The following ASTN2 variants were observed in gnomAD, a reference collection of about 807,000 sequenced individuals.
ASTN2 encodes the protein astrotactin 2, also known as astrotactin-2.
Under a neutral mutation model 139.8 loss-of-function variants are expected in ASTN2, and 54 were observed. The observed-to-expected ratio is 0.39, with a 90% CI of 0.31 to 0.48. The LOEUF is 0.48. Ranked by LOEUF, ASTN2 falls within the 20% of genes least tolerant of loss-of-function variation. The pLI is 0.95. For missense variants in ASTN2, 1,565 were observed against 1,725.1 expected, an observed-to-expected ratio of 0.91 and a Z score of 1.64; for synonymous variants, 756 against 719.5, an observed-to-expected ratio of 1.05 and a Z score of -0.81.
At chr9:116,884,803 G>GCCCCCCCCCCC (rs759933298) in intron 10 of ASTN2, among the ~76,000 whole-genome samples, 28 of 69,632 alleles carry the variant, frequency 4.0e-4, no homozygotes, top group African/African-American at 9.4e-4. Context: ...CCAAATATCC[G>GCCCCCCCCCCC]CCCCCCCCCC....
chr9:116,677,838 T>C (rs1004822855), intron 16 of ASTN2, among the ~76,000 whole-genome samples: 1 of 152,216 alleles, frequency 6.6e-6, no homozygotes, highest in South Asian at 2.1e-4. Flanking sequence ...AAAGGCATGC[T>C]TTCCTGGCCC....
intron 5 of ASTN2, among the ~76,000 whole-genome samples, chr9:117,058,721 C>T (rs896664835): frequency 5.3e-5 from 8 of 152,154 alleles, no homozygotes; most frequent in Non-Finnish European, 7.3e-5. Flanking sequence ...CAGAAACAGA[C>T]ATGGACGCCA....
intron 17 of ASTN2, 129 bp from the exon 18 acceptor site, chr9:116,620,572 C>A (rs1856089147): frequency 1.9e-5 from 23 of 1,180,126 alleles, no homozygotes; most frequent in Non-Finnish European, 2.7e-5. Context: ...AAGACACCAT[C>A]TATTCCCTAA....
At chr9:116,593,861 C>T (rs1854466511) in intron 19 of ASTN2, among the ~76,000 whole-genome samples, 1 of 152,184 alleles carries the variant, frequency 6.6e-6, no homozygotes, top group Non-Finnish European at 1.5e-5. Context: ...TCCCTTCCAT[C>T]CTTCCAGGTT....
intron 16 of ASTN2, among the ~76,000 whole-genome samples, chr9:116,655,556 G>A (rs1421998684): frequency 1.3e-5 from 2 of 152,066 alleles, no homozygotes; most frequent in Admixed American, 1.3e-4. Context: ...TCTTCTCTCT[G>A]CACAGAATTC....
intron 19 of ASTN2, among the ~76,000 whole-genome samples, chr9:116,507,680 T>C (rs907862142): frequency 6.6e-6 from 1 of 152,122 alleles, no homozygotes; most frequent in Non-Finnish European, 1.5e-5. Flanking sequence ...CTCTTATTGT[T>C]CTTGGCACCT....
chr9:116,667,511 C>G (rs1458278162), intron 16 of ASTN2, among the ~76,000 whole-genome samples: 2 of 152,068 alleles, frequency 1.3e-5, no homozygotes, highest in East Asian at 3.9e-4. Context: ...ATATTGACAA[C>G]AATTATTGCT....
At chr9:117,056,651 G>A (rs1029235333) in intron 5 of ASTN2, among the ~76,000 whole-genome samples, 1 of 152,206 alleles carries the variant, frequency 6.6e-6, no homozygotes, top group African/African-American at 2.4e-5. Flanking sequence ...GAGGCAGCAG[G>A]CAAGCTGATT....
chr9:116,753,511 CA>C (rs1829454149), intron 13 of ASTN2, among the ~76,000 whole-genome samples: 1 of 152,106 alleles, frequency 6.6e-6, no homozygotes, highest in Non-Finnish European at 1.5e-5. Context: ...GGGACGTTAG[CA>C]ACTAATATTC....
intron 20 of ASTN2, among the ~76,000 whole-genome samples, chr9:116,470,584 A>G (rs1213984098): frequency 6.6e-6 from 1 of 152,198 alleles, no homozygotes; most frequent in Admixed American, 6.5e-5. Context: ...ATTATTTAGA[A>G]TGGTGCCTGG....
chr9:116,808,612 A>G (rs1450666187), intron 12 of ASTN2, among the ~76,000 whole-genome samples: 2 of 152,208 alleles, frequency 1.3e-5, no homozygotes, highest in South Asian at 4.1e-4. Context: ...TGTTATTACA[A>G]ACAATGCCAT....
chr9:117,309,994 C>G (rs28576269), intron 1 of ASTN2, among the ~76,000 whole-genome samples: 1 of 152,136 alleles, frequency 6.6e-6, no homozygotes, highest in African/African-American at 2.4e-5. Flanking sequence ...GTCTTTGACA[C>G]TTTTCCTTTC....
intron 4 of ASTN2, among the ~76,000 whole-genome samples, chr9:117,138,775 T>C (rs933620994): frequency 6.6e-6 from 1 of 152,212 alleles, no homozygotes; most frequent in Non-Finnish European, 1.5e-5. Context: ...CCATCTAACT[T>C]GTAAATTAAC....
intron 5 of ASTN2, among the ~76,000 whole-genome samples, chr9:117,044,118 T>C (rs1339727912): frequency 6.6e-6 from 1 of 152,084 alleles, no homozygotes; most frequent in Non-Finnish European, 1.5e-5. Flanking sequence ...TGGTAAATAA[T>C]TTCCAAAAGA....
intron 16 of ASTN2, among the ~76,000 whole-genome samples, chr9:116,688,211 C>T (rs1004216586): frequency 6.6e-6 from 1 of 151,746 alleles, no homozygotes; most frequent in Non-Finnish European, 1.5e-5. Flanking sequence ...GAGGAATTGA[C>T]GAGGGTTGCA....
At chr9:117,285,634 C>A (rs957817795) in intron 2 of ASTN2, among the ~76,000 whole-genome samples, 12 of 152,164 alleles carry the variant, frequency 7.9e-5, no homozygotes, top group Admixed American at 5.9e-4. Flanking sequence ...CTACAATAGT[C>A]ATCTAATTTA....
chr9:116,840,104 T>C (rs1832162988), intron 11 of ASTN2, among the ~76,000 whole-genome samples: 1 of 148,410 alleles, frequency 6.7e-6, no homozygotes, highest in African/African-American at 2.5e-5. Context: ...CCTTCAAGCA[T>C]CTGTTTAACA....
At chr9:116,813,505 C>T (rs1176712484) in intron 12 of ASTN2, among the ~76,000 whole-genome samples, 1 of 152,158 alleles carries the variant, frequency 6.6e-6, no homozygotes, top group Non-Finnish European at 1.5e-5. Context: ...ATCCTGTGCT[C>T]CTTCCAGTTA....
rs1349865062 is a variant in ASTN2, at chr9:117,077,541, A to G, written c.1276+18503T>C. Among the ~76,000 whole-genome samples, 3 of 152,182 alleles carry G rather than the reference A, an allele frequency of 2.0e-5. No homozygotes were observed. In the East Asian group the frequency reaches 5.8e-4, roughly 29 times the overall value. ...GGCGGGTAAATCACTTAAGCCCAGG[A>G]GTTCAAGACCAGCCTGGGCAACATG... On this transcript the variant is annotated intron_variant, in intron 5 of 22. Coordinates refer to ENST00000313400, the MANE Select transcript of ASTN2 (RefSeq NM_001365068.1).
Sources: allele counts gnomAD v4.1 joint callset (sites outside exome capture counted in the v4.1 genomes callset), GRCh38; gene constraint gnomAD v4.1.1; transcripts MANE v1.5; gene names NCBI Gene and HGNC (gene_info 2026-07-23, HGNC 2026-07-21).